The following TMEM185A variants were observed in gnomAD, a reference collection of about 807,000 sequenced individuals.
TMEM185A encodes the protein family with sequence similarity 11, member A.
TMEM185A carries 9 observed loss-of-function variants against 25.0 expected under a neutral mutation model. That is an observed-to-expected ratio of 0.36 (90% CI 0.22 to 0.63). The LOEUF is 0.63. TMEM185A is among the 20% of genes least tolerant of loss of function. The probability of loss-of-function intolerance (pLI) is 0.68; values close to 1 mark genes in which losing one functional copy is unlikely to be tolerated. For missense variants in TMEM185A, 103 were observed against 237.4 expected, an observed-to-expected ratio of 0.43 and a Z score of 3.72; for synonymous variants, 45 against 93.5, an observed-to-expected ratio of 0.48 and a Z score of 2.99.
At chrX:149,631,333 T>C (rs1323976826) in intron 1 of TMEM185A, among the ~76,000 whole-genome samples, 1 of 110,742 alleles carries the variant, frequency 9.0e-6, no homozygotes, top group Non-Finnish European at 1.9e-5. Context: ...GGGCAGGGGC[T>C]GAAAGCACCG....
chrX:149,610,464 G>A lies in TMEM185A; in HGVS notation c.215+823C>T, dbSNP rs782793562. Among the ~76,000 whole-genome samples, 13 of 101,695 alleles carry A rather than the reference G, an allele frequency of 1.3e-4. No individual in the cohort carries two copies. The South Asian group carries it at 1.4e-3, about 11-fold the overall frequency. 88.3% of individuals were successfully genotyped at this position (101,695 alleles called of 115,157 possible). A position where few individuals can be genotyped will look rare whatever the true frequency, so the allele number is the denominator to read the frequency against. On this transcript the variant is annotated intron_variant, in intron 2 of 6. Transcript: ENST00000600449. Reference sequence around the variant, plus strand: ...AAAAAAAAAAAAAAAAAAAAGGTGCGGTAGTTTCAACTTTACACTTTTCCC... The same window carrying A: ...AAAAAAAAAAAAAAAAAAAAGGTGCAGTAGTTTCAACTTTACACTTTTCCC...
chrX:149,631,148 G>A (rs782686319), intron 1 of TMEM185A, among the ~76,000 whole-genome samples: 2 of 110,571 alleles, frequency 1.8e-5, no homozygotes, highest in South Asian at 4.0e-4. Flanking sequence ...GGGGGTAGGG[G>A]TGTTGGGTCG....
chrX:149,605,793 C>T (rs965545920), intron 3 of TMEM185A, among the ~76,000 whole-genome samples: 2 of 111,905 alleles, frequency 1.8e-5, no homozygotes, highest in African/African-American at 3.3e-5. Context: ...CTTCAGCAAC[C>T]CCTTACTAAC....
intron 4 of TMEM185A, 103 bp downstream of exon 4, chrX:149,603,884 C>G: frequency 1.6e-6 from 1 of 638,912 alleles, no homozygotes; most frequent in South Asian, 3.0e-5. Flanking sequence ...GACTATTAGG[C>G]TATTACTTCT....
chrX:149,608,409 C>A, intron 3 of TMEM185A: 1 of 352,289 alleles, frequency 2.8e-6, no homozygotes, highest in Non-Finnish European at 4.9e-6. Context: ...TGGCTCACTG[C>A]AACCTCCGCC....
Position 149,631,735 on chromosome X carries a change from T to TCGCCGTCGCCGTCGCCGC in TMEM185A, c.-156_-155insGCGGCGACGGCGACGGCG, listed in dbSNP as rs1557356767. On this transcript the variant is annotated 5_prime_UTR_variant, in exon 1 of 7. Coordinates refer to ENST00000600449, the MANE Select transcript of TMEM185A (RefSeq NM_032508.4). ...GTCCCCGCTGCCGTCGCCGTCGCCG[T>TCGCCGTCGCCGTCGCCGC]CGCCGCCGCCGCCGCCGCCGCCGCC... The TCGCCGTCGCCGTCGCCGC allele has an allele frequency of 9.2e-6, 3 of 327,457 alleles. No homozygotes were observed. The highest frequency in any genetic ancestry group is 1.1e-4 in the South Asian group (1 of 9,459). The allele number at this position is 327,457 out of a possible 1,213,427, so 27.0% of individuals were successfully genotyped here. A position where few individuals can be genotyped will look rare whatever the true frequency, so the allele number is the denominator to read the frequency against.
intron 1 of TMEM185A, among the ~76,000 whole-genome samples, chrX:149,623,943 A>T (rs984762461): frequency 1.2e-4 from 13 of 112,636 alleles, no homozygotes; most frequent in Non-Finnish European, 2.3e-4. Context: ...GGAAATATCA[A>T]GCCTGATTTG....
intron 2 of TMEM185A, among the ~76,000 whole-genome samples, chrX:149,609,155 T>G (rs1233283953): frequency 8.9e-6 from 1 of 112,714 alleles, no homozygotes; most frequent in Admixed American, 9.3e-5. Flanking sequence ...TCTGTTCACA[T>G]CTTTAAATTC....
In TMEM185A at chrX:149,615,125, C is replaced by T. The variant is rs781935260; in HGVS notation, c.39-3662G>A. Among the ~76,000 whole-genome samples the T allele has an allele frequency of 5.4e-5, 6 of 112,135 alleles. No homozygotes were observed. In the South Asian group the frequency reaches 1.1e-3, roughly 21 times the overall value. ...AGCAATATATAAGGATACTACATTACGACTAGGTGTGGTTTAGCTAGGATT... is the reference window on the plus strand; with the variant it reads ...AGCAATATATAAGGATACTACATTATGACTAGGTGTGGTTTAGCTAGGATT... On this transcript the variant is annotated intron_variant, in intron 1 of 6. Transcript: ENST00000600449.
At chrX:149,605,639 C>T (rs2124204877) in intron 3 of TMEM185A, among the ~76,000 whole-genome samples, 1 of 112,172 alleles carries the variant, frequency 8.9e-6, no homozygotes, top group South Asian at 3.7e-4. Context: ...CGGGAATCAC[C>T]CTGCATTCTT....
chrX:149,626,998 C>T (rs1557356100), intron 1 of TMEM185A, among the ~76,000 whole-genome samples: 1 of 111,809 alleles, frequency 8.9e-6, no homozygotes, highest in Non-Finnish European at 1.9e-5. Context: ...ATTCCATTCC[C>T]AGGGATGAGC....
intron 1 of TMEM185A, among the ~76,000 whole-genome samples, chrX:149,617,396 A>G (rs1557355136): frequency 8.9e-6 from 1 of 112,124 alleles, no homozygotes; most frequent in Admixed American, 9.5e-5. Flanking sequence ...AACTAAAAAA[A>G]TAAGTGAACA....
chrX:149,623,243 C>T (rs1464336229), intron 1 of TMEM185A, among the ~76,000 whole-genome samples: 1 of 111,347 alleles, frequency 9.0e-6, no homozygotes, highest in East Asian at 2.8e-4. Flanking sequence ...GCTGCAGAGA[C>T]AGGAGAAAGG....
intron 3 of TMEM185A, among the ~76,000 whole-genome samples, chrX:149,604,452 G>A: frequency 9.0e-6 from 1 of 111,614 alleles, no homozygotes. Context: ...CTCATACCTC[G>A]GTTTTGCCCT....
rs782637620 is a variant in TMEM185A at position 149,608,679 on chromosome X, G to A, written c.371C>T (p.Pro124Leu). 5.8e-6 allele frequency: 7 copies of A among 1,209,901 alleles called. No individual in the cohort carries two copies. The highest frequency in any genetic ancestry group is 4.4e-5 in the Admixed American group (2 of 45,746). ...LVFMPLFFVS[P>L]VSVAACVWGF... ...CCAAACGCAAGCTGCAACAGACACC[G>A]GGGAAACAAAGAACAGCGGCATGAA... The change falls in exon 3 of 7, where the codon CCG (proline) becomes CTG (leucine). Residue 124 changes from proline to leucine, a missense_variant. Pro to Leu is a moderately conservative substitution (Grantham distance 98, BLOSUM62 -3). Transcript: ENST00000600449.
chrX:149,631,770 G>GGAGAAA lies in TMEM185A; in HGVS notation c.-191_-190insTTTCTC, dbSNP rs2090199573. 80 of 105,336 alleles carry GGAGAAA rather than the reference G, an allele frequency of 7.6e-4. 8 individuals carry two copies. The East Asian group carries it at 0.015, about 20-fold the overall frequency. The allele number at this position is 105,336 out of a possible 1,213,427, so 8.7% of individuals were successfully genotyped here. A position where few individuals can be genotyped will look rare whatever the true frequency, so the allele number is the denominator to read the frequency against. ...CGCCGCCGCCGCCGCCGCCGCCGCC[G>GGAGAAA]CCGCCGCCGCCCGGAGAAACCTGAG... On this transcript the variant is annotated 5_prime_UTR_variant, in exon 1 of 7. Coordinates refer to ENST00000600449, the MANE Select transcript of TMEM185A (RefSeq NM_032508.4).
chrX:149,602,749 C>T (rs1268551376), intron 4 of TMEM185A, among the ~76,000 whole-genome samples: 9 of 112,275 alleles, frequency 8.0e-5, no homozygotes, highest in Admixed American at 2.8e-4. Context: ...GTTTCCTTCA[C>T]GTCACAACAG....
intron 1 of TMEM185A, among the ~76,000 whole-genome samples, chrX:149,625,693 G>C (rs782259225): frequency 8.9e-6 from 1 of 112,371 alleles, no homozygotes; most frequent in Non-Finnish European, 1.9e-5. Context: ...TATTTTGGTT[G>C]AAAATGATAG....
chrX:149,609,579 T>C (rs1013556925), intron 2 of TMEM185A, among the ~76,000 whole-genome samples: 2 of 112,625 alleles, frequency 1.8e-5, no homozygotes, highest in Admixed American at 9.4e-5. Flanking sequence ...AAAGGCTCTA[T>C]AATGCATCTG....
Sources: gnomAD v4.1 joint callset for allele counts (sites outside exome capture counted in the v4.1 genomes callset) on GRCh38, gnomAD v4.1.1 for gene constraint, MANE v1.5 for transcripts, NCBI Gene and HGNC (gene_info 2026-07-23, HGNC 2026-07-21) for gene names.